Variants in BANP observed in about 807,000 individuals in gnomAD.
BANP encodes the protein BTG3 associated nuclear protein.
BANP carries 11 observed loss-of-function variants against 68.1 expected under a neutral mutation model. That is an observed-to-expected ratio of 0.16 (90% CI 0.10 to 0.27). The LOEUF (loss-of-function observed/expected upper bound fraction) is 0.27, where lower values mean the gene tolerates loss of function less well. Among genes scored for constraint, BANP ranks in the 10% least tolerant of loss-of-function variants. BANP has a pLI of 1.00. For missense variants in BANP, 504 were observed against 722.7 expected (o/e 0.70, Z 3.47); for synonymous variants, 329 against 303.2 (o/e 1.09, Z -0.88).
intron 6 of BANP, among the ~76,000 whole-genome samples, chr16:88,009,716 A>T (rs2152574369): frequency 6.8e-6 from 1 of 147,960 alleles, no homozygotes; most frequent in African/African-American, 2.5e-5. Flanking sequence ...AAGGACGGTA[A>T]CGCTCAGCTA....
chr16:87,968,599 A>G (rs577721024), intron 1 of BANP, among the ~76,000 whole-genome samples: 1 of 152,262 alleles, frequency 6.6e-6, no homozygotes, highest in South Asian at 2.1e-4. Context: ...CAAGCTGACT[A>G]CTGACGACTC....
chr16:88,045,202 C>G (rs1191760448), intron 11 of BANP, among the ~76,000 whole-genome samples: 2 of 152,156 alleles, frequency 1.3e-5, no homozygotes, highest in African/African-American at 4.8e-5. Context: ...TTATCCGTGT[C>G]ACTTGGGCAT....
chr16:87,956,059 T>C (rs2057986474), intron 1 of BANP, among the ~76,000 whole-genome samples: 1 of 152,166 alleles, frequency 6.6e-6, no homozygotes, highest in Admixed American at 6.5e-5. Context: ...GCACAGGTGC[T>C]GGGCAGTGGG....
intron 6 of BANP, among the ~76,000 whole-genome samples, chr16:88,006,868 C>G (rs2071329912): frequency 6.8e-6 from 1 of 146,012 alleles, no homozygotes; most frequent in African/African-American, 2.5e-5. Flanking sequence ...GGGAGAATTG[C>G]TTGAACCTGG....
At chr16:87,987,141 C>T (rs1236158799) in intron 4 of BANP, among the ~76,000 whole-genome samples, 3 of 152,040 alleles carry the variant, frequency 2.0e-5, no homozygotes, top group Admixed American at 6.6e-5. Context: ...TGCAGTGGCG[C>T]GATCTTGGCT....
intron 4 of BANP, among the ~76,000 whole-genome samples, chr16:88,001,674 A>AT (rs933824616): frequency 6.6e-6 from 1 of 152,142 alleles, no homozygotes; most frequent in Non-Finnish European, 1.5e-5. Flanking sequence ...TGGTTTATTT[A>AT]TTTTTTTAAT....
intron 12 of BANP, 50 bp downstream of exon 12, chr16:88,065,382 G>A (rs1281148757): frequency 2.8e-6 from 2 of 719,430 alleles, no homozygotes; most frequent in Admixed American, 4.0e-5. Context: ...GCTGGGAGGA[G>A]TCTCTGCTTT....
rs1200420913 is a variant in BANP, at chr16:87,957,268, G to A, written c.-69+5753G>A. Among the ~76,000 whole-genome samples the A allele has an allele frequency of 6.6e-6, 1 of 152,232 alleles. No individual in the cohort carries two copies. The highest frequency in any genetic ancestry group is 1.5e-5 in the Non-Finnish European group (1 of 68,034). ...GGAACCCACAGGTCGCCAGCTTACA[G>A]CGTGGGAGCTGTGGAAGGACACATG... is the stretch of plus-strand genomic sequence containing the variant. On this transcript the variant is annotated intron_variant, in intron 1 of 13. Coordinates refer to ENST00000682872, the MANE Select transcript of BANP (RefSeq NM_001386991.1). This position sits in a 1 kb window ranked among gnomAD's most constrained non-coding sequence, Gnocchi z 4.3.
At chr16:88,044,712 G>A (rs2081568495) in intron 11 of BANP, among the ~76,000 whole-genome samples, 1 of 152,202 alleles carries the variant, frequency 6.6e-6, no homozygotes, top group South Asian at 2.1e-4. Flanking sequence ...GGCTGGGCAC[G>A]GTGGCTCACG....
At chr16:88,050,403 G>A (rs138941723) in intron 11 of BANP, among the ~76,000 whole-genome samples, 192 of 152,286 alleles carry the variant, frequency 1.3e-3, no homozygotes, top group African/African-American at 4.1e-3. Context: ...GAGTCCACCT[G>A]CCTCGGCCTC....
intron 1 of BANP, among the ~76,000 whole-genome samples, chr16:87,960,999 T>C (rs1327071319): frequency 2.6e-5 from 4 of 152,226 alleles, no homozygotes; most frequent in Admixed American, 6.5e-5. Flanking sequence ...ATGAACCGTA[T>C]GCTTTTGATA....
rs1024529122 is a variant in BANP at position 87,959,015 on chromosome 16, A to T, written c.-69+7500A>T. Among the ~76,000 whole-genome samples the T allele has an allele frequency of 2.6e-5, 4 of 152,344 alleles. No individual in the cohort carries two copies. The Middle Eastern group carries it at 0.01, about 389-fold the overall frequency. On this transcript the variant is annotated intron_variant, in intron 1 of 13. Transcript: ENST00000682872. ...CAACCTCAGCATGATGTTGGCACGT[A>T]CACTGGGGACTGGGTGGTGACACCG...
At position 88,071,288 on chromosome 16, in the gene BANP, G is replaced by GCTGCCCACCCGCCTGCCTGGGC; in HGVS notation, c.1378-779_1378-758dup. 1 of 364,428 alleles carries GCTGCCCACCCGCCTGCCTGGGC rather than the reference G, an allele frequency of 2.7e-6. No individual in the cohort carries two copies. The highest frequency in any genetic ancestry group is 5.4e-6 in the Non-Finnish European group (1 of 184,332). 22.6% of individuals were successfully genotyped at this position (364,428 alleles called of 1,614,324 possible). On this transcript the variant is annotated intron_variant, in intron 12 of 13. Coordinates refer to ENST00000682872, the MANE Select transcript of BANP (RefSeq NM_001386991.1). This position sits in a 1 kb window ranked among gnomAD's most constrained non-coding sequence, Gnocchi z 6.5. The stretch of plus-strand genomic sequence containing the variant: ...CATGTCAAGTGCCCTCAGGGCTGGG[G>GCTGCCCACCCGCCTGCCTGGGC]CTGCCCACCCGCCTGCCTGGGCCGT...
At chr16:87,995,577 C>T (rs1049003974) in intron 4 of BANP, among the ~76,000 whole-genome samples, 1 of 152,204 alleles carries the variant, frequency 6.6e-6, no homozygotes, top group Non-Finnish European at 1.5e-5. Context: ...TTCTAACCTG[C>T]ACTTGATGAT....
At chr16:88,044,362 T>G (rs967709267) in intron 11 of BANP, among the ~76,000 whole-genome samples, 2 of 152,348 alleles carry the variant, frequency 1.3e-5, no homozygotes, top group Middle Eastern at 3.4e-3. Context: ...AGCTTTCCAC[T>G]GTGGTTCCAG....
At chr16:87,977,411 T>C (rs1395448178) in intron 2 of BANP, among the ~76,000 whole-genome samples, 2 of 138,292 alleles carry the variant, frequency 1.4e-5, no homozygotes, top group Non-Finnish European at 1.7e-5. Context: ...AGAGCGAGAC[T>C]CCGTCTCAAA....
intron 11 of BANP, among the ~76,000 whole-genome samples, chr16:88,042,842 A>T (rs9936067): frequency 6.6e-6 from 1 of 151,906 alleles, no homozygotes; most frequent in African/African-American, 2.4e-5. Context: ...GCTTGAGCCC[A>T]GGAGGCCCAG....
chr16:87,971,228 G>A (rs2061056236), intron 1 of BANP, among the ~76,000 whole-genome samples: 1 of 152,158 alleles, frequency 6.6e-6, no homozygotes, highest in South Asian at 2.1e-4. Context: ...GTTTCAAGCA[G>A]TTACATTGTG....
rs559023782 is a variant in BANP, at chr16:88,012,100, C to T, written c.655+5835C>T. Reference sequence around the variant, plus strand: ...CAACAGATAAAATGTCTCATGCGTTCCACATAGAATTCTTATTCTCTACCT... The same window carrying T: ...CAACAGATAAAATGTCTCATGCGTTTCACATAGAATTCTTATTCTCTACCT... On this transcript the variant is annotated intron_variant, in intron 6 of 13. Coordinates refer to ENST00000682872, the MANE Select transcript of BANP (RefSeq NM_001386991.1). Among the ~76,000 whole-genome samples, 16 of 152,302 alleles carry T rather than the reference C, an allele frequency of 1.1e-4. No individual in the cohort carries two copies. In the South Asian group the frequency reaches 3.3e-3, roughly 32 times the overall value.
Sources: allele counts gnomAD v4.1 joint callset (sites outside exome capture counted in the v4.1 genomes callset), GRCh38; gene constraint gnomAD v4.1.1; non-coding constraint Gnocchi (gnomAD v3.1); transcripts MANE v1.5; gene names NCBI Gene and HGNC (gene_info 2026-07-23, HGNC 2026-07-21).